SLC24A2: variants seen among roughly 807,000 people sequenced by gnomAD.
The protein encoded by SLC24A2 is sodium/potassium/calcium exchanger 2.
Under a neutral mutation model 62.0 loss-of-function variants are expected in SLC24A2, and 36 were observed. The ratio of observed to expected loss-of-function variants is 0.58; its 90% CI spans 0.44 to 0.77. The LOEUF (loss-of-function observed/expected upper bound fraction) is 0.77. Ranked by LOEUF, SLC24A2 falls within the 30% of genes least tolerant of loss-of-function variation. The pLI is 0.00. For missense variants in SLC24A2, 846 were observed against 817.9 expected, an observed-to-expected ratio of 1.03 and a Z score of -0.42; for synonymous variants, 358 against 294.0, an observed-to-expected ratio of 1.22 and a Z score of -2.23.
the SLC24A2 span, among the ~76,000 whole-genome samples, chr9:20,096,211 G>C: frequency 2.6e-5 from 4 of 152,090 alleles, no homozygotes; most frequent in Middle Eastern, 3.2e-3. Context: ...CCAAAAATTT[G>C]AAAACTGTTG....
chr9:19,900,057 T>C, the SLC24A2 span, among the ~76,000 whole-genome samples: 151,801 of 152,328 alleles, frequency 1, 75,640 homozygotes, highest in Middle Eastern at 1. Context: ...TTGCTAATCA[T>C]GTAGTTCATA....
chr9:20,168,847 C>T, the SLC24A2 span, among the ~76,000 whole-genome samples: 7 of 151,990 alleles, frequency 4.6e-5, no homozygotes, highest in African/African-American at 1.7e-4. Context: ...GTTTCACTCT[C>T]AGGTGTGTAT....
chr9:19,806,345 A>T, the SLC24A2 span, among the ~76,000 whole-genome samples: 1 of 152,184 alleles, frequency 6.6e-6, no homozygotes, highest in East Asian at 1.9e-4. Flanking sequence ...AGTTTATTTG[A>T]GTACAAAGCT....
At chr9:20,255,023 G>T in the SLC24A2 span, among the ~76,000 whole-genome samples, 11 of 152,098 alleles carry the variant, frequency 7.2e-5, no homozygotes, top group African/African-American at 2.7e-4. Context: ...CTCCTACAAG[G>T]TCCTTCCCAT....
the SLC24A2 span, among the ~76,000 whole-genome samples, chr9:20,144,374 G>A: frequency 6.6e-6 from 1 of 152,164 alleles, no homozygotes; most frequent in African/African-American, 2.4e-5. Flanking sequence ...CTAGAGCAGG[G>A]ACAGGGAAAA....
chr9:20,143,964 T>C, the SLC24A2 span, among the ~76,000 whole-genome samples: 1 of 152,224 alleles, frequency 6.6e-6, no homozygotes, highest in Non-Finnish European at 1.5e-5. Context: ...TTGATCTATG[T>C]TGAGTGCAAG....
chr9:20,221,325 G>C, the SLC24A2 span, among the ~76,000 whole-genome samples: 3 of 151,828 alleles, frequency 2.0e-5, no homozygotes, highest in Admixed American at 2.0e-4. Flanking sequence ...GATGAGAAGT[G>C]GCCATTTTCT....
chr9:20,079,975 G>C, the SLC24A2 span, among the ~76,000 whole-genome samples: 9 of 152,300 alleles, frequency 5.9e-5, no homozygotes, highest in Middle Eastern at 3.4e-3. Flanking sequence ...TGAAATAAAA[G>C]AGGATATAAA....
chr9:20,074,039 G>C, the SLC24A2 span, among the ~76,000 whole-genome samples: 3 of 151,524 alleles, frequency 2.0e-5, no homozygotes, highest in Non-Finnish European at 4.4e-5. Flanking sequence ...GAGCTACCCA[G>C]AATTATGAAA....
At chr9:20,009,667 T>C in the SLC24A2 span, among the ~76,000 whole-genome samples, 2 of 152,168 alleles carry the variant, frequency 1.3e-5, no homozygotes. Flanking sequence ...TCTGTCCCTG[T>C]CCAATGCTAG....
intron 7 of SLC24A2, among the ~76,000 whole-genome samples, chr9:19,568,359 G>A (rs1384395740): frequency 1.9e-4 from 29 of 152,046 alleles, no homozygotes; most frequent in Admixed American, 1.9e-3. Context: ...CCCAATTCTG[G>A]CTCAGAAAGG....
At chr9:19,977,673 CAG>C in the SLC24A2 span, among the ~76,000 whole-genome samples, 4 of 152,098 alleles carry the variant, frequency 2.6e-5, no homozygotes, top group Non-Finnish European at 4.4e-5. Flanking sequence ...TTTCATAGGG[CAG>C]AAAGCAGGAA....
At chr9:20,306,148 A>C in the SLC24A2 span, among the ~76,000 whole-genome samples, 4 of 152,208 alleles carry the variant, frequency 2.6e-5, no homozygotes, top group African/African-American at 2.4e-5. Flanking sequence ...AGCCCACAGC[A>C]CTGGGTGAGC....
At chr9:20,297,728 A>G in the SLC24A2 span, among the ~76,000 whole-genome samples, 1 of 152,222 alleles carries the variant, frequency 6.6e-6, no homozygotes, top group Admixed American at 6.5e-5. Context: ...GAGGCTGAGC[A>G]CAGTCCAAAT....
chr9:19,938,364 G>A, the SLC24A2 span, among the ~76,000 whole-genome samples: 1 of 152,066 alleles, frequency 6.6e-6, no homozygotes, highest in Non-Finnish European at 1.5e-5. Context: ...ATTCTAAACT[G>A]GATAGACATT....
In SLC24A2 at chr9:19,653,776, A is replaced by T. The variant is rs372501680; in HGVS notation, c.931-31477T>A. 2.4e-4 allele frequency among the ~76,000 whole-genome samples: 36 copies of T among 152,290 alleles called. 1 individual carries two copies. The East Asian group carries it at 6.2e-3, about 26-fold the overall frequency. On this transcript the variant is annotated intron_variant, in intron 2 of 10. Coordinates refer to ENST00000341998, the MANE Select transcript of SLC24A2 (RefSeq NM_020344.4). Reference sequence around the variant, plus strand: ...GTATGTTTGTGGAATAAACATTCCAATGTGACAGCTGATGCTTGAAATGCT... The same window carrying T: ...GTATGTTTGTGGAATAAACATTCCATTGTGACAGCTGATGCTTGAAATGCT...
At chr9:20,063,207 G>A in the SLC24A2 span, among the ~76,000 whole-genome samples, 2 of 150,948 alleles carry the variant, frequency 1.3e-5, no homozygotes, top group Non-Finnish European at 2.9e-5. Context: ...GTTTATTGTG[G>A]CACTATTCAC....
At chr9:19,862,926 A>G in the SLC24A2 span, among the ~76,000 whole-genome samples, 1 of 152,018 alleles carries the variant, frequency 6.6e-6, no homozygotes, top group Non-Finnish European at 1.5e-5. Flanking sequence ...AAGGAAACAA[A>G]GAAAGAAGGA....
chr9:20,036,496 C>G, the SLC24A2 span, among the ~76,000 whole-genome samples: 2 of 152,190 alleles, frequency 1.3e-5, no homozygotes, highest in African/African-American at 4.8e-5. Context: ...CATTCCCCCC[C>G]ACTACCCAGT....
Sources: gnomAD v4.1 joint callset for allele counts (sites outside exome capture counted in the v4.1 genomes callset) on GRCh38, gnomAD v4.1.1 for gene constraint, MANE v1.5 for transcripts, NCBI Gene and HGNC (gene_info 2026-07-23, HGNC 2026-07-21) for gene names.